Variants in LRRC7 observed in about 807,000 individuals in gnomAD.
The protein encoded by LRRC7 is leucine-rich repeat-containing protein 7.
A neutral mutation model predicts 175.7 loss-of-function variants in LRRC7; 23 were observed. That is an observed-to-expected ratio of 0.13 (90% CI 0.09 to 0.19). LRRC7 has a LOEUF of 0.19. Ranked by LOEUF, LRRC7 falls within the 10% of genes least tolerant of loss-of-function variation. The pLI is 1.00. For missense variants in LRRC7, 1,354 were observed against 1,904.7 expected (o/e 0.71, Z 5.38); for synonymous variants, 685 against 680.9 (o/e 1.01, Z -0.09).
intron 2 of LRRC7, among the ~76,000 whole-genome samples, chr1:69,718,142 G>GAGAAAGAAAGAAAGAAAGAAAGAAAA (rs1665902379): frequency 2.7e-5 from 2 of 73,762 alleles, no homozygotes; most frequent in African/African-American, 1.6e-4. Context: ...AAGAAAGAGA[G>GAGAAAGAAAGAAAGAAAGAAAGAAAA]AGAAAGAAAG....
At chr1:70,098,887 G>C (rs1664601724) in intron 25 of LRRC7, among the ~76,000 whole-genome samples, 1 of 152,078 alleles carries the variant, frequency 6.6e-6, no homozygotes, top group South Asian at 2.1e-4. Flanking sequence ...AATTCTACCA[G>C]AGGTACACGG....
chr1:69,716,362 ATAAT>A (rs1193398461), intron 2 of LRRC7: 1 of 399,886 alleles, frequency 2.5e-6, no homozygotes, highest in Non-Finnish European at 4.6e-6. Flanking sequence ...CATCACAAAA[ATAAT>A]TAGGAAGAAA....
At chr1:69,578,227 C>G (rs1325609765) in intron 1 of LRRC7, among the ~76,000 whole-genome samples, 1 of 151,074 alleles carries the variant, frequency 6.6e-6, no homozygotes, top group East Asian at 1.9e-4. Flanking sequence ...AAATGCAAAT[C>G]AAAACCACAA....
chr1:69,945,808 A>C (rs933263839), intron 8 of LRRC7, among the ~76,000 whole-genome samples: 1 of 152,078 alleles, frequency 6.6e-6, no homozygotes, highest in African/African-American at 2.4e-5. Context: ...TTCTGTATAA[A>C]AACTCTATTA....
At chr1:70,063,810 G>T (rs1661763964) in intron 23 of LRRC7, among the ~76,000 whole-genome samples, 1 of 151,958 alleles carries the variant, frequency 6.6e-6, no homozygotes, top group African/African-American at 2.4e-5. Context: ...TGCTATTAAG[G>T]ATACTCCATC....
chr1:69,819,492 T>C (rs1292919465), intron 4 of LRRC7, among the ~76,000 whole-genome samples: 1 of 151,822 alleles, frequency 6.6e-6, no homozygotes, highest in Non-Finnish European at 1.5e-5. Flanking sequence ...CATATAATCT[T>C]CCTGCAGAAT....
intron 1 of LRRC7, among the ~76,000 whole-genome samples, chr1:69,627,750 G>A (rs760331666): frequency 2.6e-5 from 4 of 151,884 alleles, no homozygotes; most frequent in East Asian, 1.9e-4. Flanking sequence ...CTTCCCACTC[G>A]GAGAATATCA....
chr1:69,982,904 GT>G lies in LRRC7; in HGVS notation c.786+2455del, dbSNP rs528746367. ...CAGGCTATGATTGCTTTGATACAGT[GT>G]TTTCAACATCAAAGTGTTATTCCAA... On this transcript the variant is annotated intron_variant, in intron 9 of 26. Transcript: ENST00000651989. 1.1e-3 allele frequency among the ~76,000 whole-genome samples: 173 copies of G among 152,236 alleles called. 1 individual carries two copies. Among genetic ancestry groups the G allele is most frequent in the South Asian group, 8.5e-3 (41 of 4,832 alleles).
chr1:69,788,722 G>A (rs1016694899), intron 3 of LRRC7, among the ~76,000 whole-genome samples: 4 of 152,016 alleles, frequency 2.6e-5, no homozygotes, highest in African/African-American at 7.2e-5. Context: ...CTTTCCTAGA[G>A]ATACTTCCAT....
intron 7 of LRRC7, among the ~76,000 whole-genome samples, chr1:69,920,728 A>G (rs78415977): frequency 6.6e-6 from 1 of 152,162 alleles, no homozygotes; most frequent in Non-Finnish European, 1.5e-5. Flanking sequence ...ACTAGAATAC[A>G]TGTTGCCTAG....
chr1:69,858,663 G>C (rs1684000556), intron 7 of LRRC7, among the ~76,000 whole-genome samples: 1 of 152,026 alleles, frequency 6.6e-6, no homozygotes, highest in Non-Finnish European at 1.5e-5. Flanking sequence ...TACACAGCAG[G>C]ATCCAGATGA....
intron 4 of LRRC7, among the ~76,000 whole-genome samples, chr1:69,821,020 T>A (rs908059536): frequency 6.6e-6 from 1 of 152,132 alleles, no homozygotes; most frequent in African/African-American, 2.4e-5. Flanking sequence ...CTCTCCAGCA[T>A]CTGTTGTTTC....
At chr1:69,701,333 A>T (rs1196112810) in intron 2 of LRRC7, among the ~76,000 whole-genome samples, 2 of 151,930 alleles carry the variant, frequency 1.3e-5, no homozygotes, top group Non-Finnish European at 2.9e-5. Context: ...TGTGCTGTTC[A>T]TTTTTCTTCA....
At chr1:69,886,987 G>C (rs373221082) in intron 7 of LRRC7, among the ~76,000 whole-genome samples, 1 of 151,726 alleles carries the variant, frequency 6.6e-6, no homozygotes, top group Non-Finnish European at 1.5e-5. Flanking sequence ...CGAGAGATCC[G>C]CTGTTAGTCT....
At chr1:69,585,180 T>A (rs1646357544) in intron 1 of LRRC7, among the ~76,000 whole-genome samples, 1 of 152,074 alleles carries the variant, frequency 6.6e-6, no homozygotes, top group South Asian at 2.1e-4. Context: ...AAGAAATGAG[T>A]TAATATTTAT....
chr1:69,956,219 A>T (rs1053706071), intron 8 of LRRC7, among the ~76,000 whole-genome samples: 1 of 151,904 alleles, frequency 6.6e-6, no homozygotes, highest in Non-Finnish European at 1.5e-5. Context: ...CCTGTATCCT[A>T]GTATAATTTT....
At position 70,087,401 on chromosome 1, in the gene LRRC7, T is replaced by G. The variant is rs566005031; in HGVS notation, c.4453-2326T>G. ...CACATTAGAAAGATATAACCCCAAT[T>G]TTAAATAATATAATTGGAAATGCAT... On this transcript the variant is annotated intron_variant, in intron 24 of 26. Transcript: ENST00000651989. Among the ~76,000 whole-genome samples, 48 of 152,260 alleles carry G rather than the reference T, an allele frequency of 3.2e-4. No individual in the cohort carries two copies. The South Asian group carries it at 9.7e-3, about 31-fold the overall frequency.
At chr1:69,781,765 GA>G (rs34327468) in intron 3 of LRRC7, among the ~76,000 whole-genome samples, 1 of 38,512 alleles carries the variant, frequency 2.6e-5, no homozygotes, top group Admixed American at 3.2e-4. Flanking sequence ...GAGAGAGAGA[GA>G]AAGAAAGAAA....
At chr1:69,950,475 A>T (rs2101820712) in intron 8 of LRRC7, among the ~76,000 whole-genome samples, 1 of 152,262 alleles carries the variant, frequency 6.6e-6, no homozygotes, top group South Asian at 2.1e-4. Context: ...CTGAAATAAG[A>T]CTACCAGAGT....
Sources: allele counts gnomAD v4.1 joint callset (sites outside exome capture counted in the v4.1 genomes callset), GRCh38; gene constraint gnomAD v4.1.1; transcripts MANE v1.5; gene names NCBI Gene and HGNC (gene_info 2026-07-23, HGNC 2026-07-21).